Variants in BOLL observed in about 807,000 individuals in gnomAD.
BOLL encodes protein boule-like.
A neutral mutation model predicts 44.4 loss-of-function variants in BOLL; 23 were observed. The ratio of observed to expected loss-of-function variants is 0.52; its 90% CI spans 0.37 to 0.73. BOLL has a LOEUF of 0.73. Ranked by LOEUF, BOLL falls within the 30% of genes least tolerant of loss-of-function variation. The pLI is 0.00. For missense variants in BOLL, 287 were observed against 338.3 expected (o/e 0.85, Z 1.19); for synonymous variants, 97 against 110.8 (o/e 0.88, Z 0.78).
chr2:197,736,521 A>G (rs1358609917), intron 10 of BOLL, among the ~76,000 whole-genome samples: 2 of 152,092 alleles, frequency 1.3e-5, no homozygotes, highest in African/African-American at 4.8e-5. Flanking sequence ...AATTGTTTCA[A>G]TTATAAGCTG....
chr2:197,765,633 A>G (rs115209931), intron 7 of BOLL, among the ~76,000 whole-genome samples: 1 of 151,966 alleles, frequency 6.6e-6, no homozygotes, highest in African/African-American at 2.4e-5. Context: ...TAAAAAAAAA[A>G]CACTACCAAG....
intron 9 of BOLL, among the ~76,000 whole-genome samples, chr2:197,743,608 G>C (rs1464409919): frequency 6.6e-6 from 1 of 152,130 alleles, no homozygotes; most frequent in Non-Finnish European, 1.5e-5. Context: ...GTATACTGTT[G>C]ATAGATGTGG....
intron 1 of BOLL, among the ~76,000 whole-genome samples, chr2:197,784,395 T>TACATAC (rs1249486731): frequency 0.011 from 19 of 1,740 alleles, no homozygotes; most frequent in African/African-American, 0.013. Flanking sequence ...CTAATACATA[T>TACATAC]ATATATATAT....
At chr2:197,760,453 C>T (rs1320134490) in intron 7 of BOLL, among the ~76,000 whole-genome samples, 1 of 152,228 alleles carries the variant, frequency 6.6e-6, no homozygotes, top group African/African-American at 2.4e-5. Context: ...ACCTGAGAAA[C>T]AGCCCCACAG....
At chr2:197,740,465 T>A (rs1687678224) in intron 10 of BOLL, among the ~76,000 whole-genome samples, 1 of 152,088 alleles carries the variant, frequency 6.6e-6, no homozygotes, top group Non-Finnish European at 1.5e-5. Context: ...ATAGGAAGAA[T>A]TCCCTGTACA....
At chr2:197,736,101 G>T (rs1687471457) in intron 10 of BOLL, among the ~76,000 whole-genome samples, 1 of 152,010 alleles carries the variant, frequency 6.6e-6, no homozygotes, top group Non-Finnish European at 1.5e-5. Flanking sequence ...TACTTTTTAA[G>T]CTTAAAGTGA....
At chr2:197,779,170 TGAAAA>T in intron 2 of BOLL, 104 bp from the exon 3 acceptor site, 2 of 775,346 alleles carry the variant, frequency 2.6e-6, no homozygotes, top group Non-Finnish European at 4.1e-6. Flanking sequence ...ATAAGATGCA[TGAAAA>T]ATGCCTCTCA....
intron 7 of BOLL, among the ~76,000 whole-genome samples, chr2:197,763,462 C>T (rs1312038428): frequency 9.2e-5 from 12 of 130,558 alleles, no homozygotes; most frequent in African/African-American, 3.0e-4. Flanking sequence ...CCAGCCTGGG[C>T]GACAGAGAGT....
chr2:197,757,860 CTT>C (rs1688587448), intron 7 of BOLL, among the ~76,000 whole-genome samples: 1 of 152,120 alleles, frequency 6.6e-6, no homozygotes, highest in East Asian at 1.9e-4. Context: ...TATGAATAGA[CTT>C]TTCTCCAAAG....
intron 10 of BOLL, among the ~76,000 whole-genome samples, chr2:197,730,484 G>A (rs1172956048): frequency 4.9e-4 from 70 of 141,626 alleles, no homozygotes; most frequent in African/African-American, 1.8e-3. Flanking sequence ...TACTCCTCGA[G>A]AAGAGCAACT....
intron 2 of BOLL, 135 bp downstream of exon 2, chr2:197,781,586 TC>T (rs2106394763): frequency 1.1e-6 from 1 of 912,858 alleles, no homozygotes; most frequent in African/African-American, 1.7e-5. Flanking sequence ...TTGAAAAGAT[TC>T]TTTATAATAA....
chr2:197,777,285 T>C (rs192331363), intron 3 of BOLL, among the ~76,000 whole-genome samples, 172 bp from the exon 4 acceptor site: 18 of 151,804 alleles, frequency 1.2e-4, no homozygotes, highest in African/African-American at 2.7e-4. Context: ...AGCCTAACAC[T>C]GTCACTTTTA....
At chr2:197,757,956 C>CA (rs1176029436) in intron 7 of BOLL, among the ~76,000 whole-genome samples, 3 of 152,056 alleles carry the variant, frequency 2.0e-5, no homozygotes, top group African/African-American at 7.2e-5. Flanking sequence ...AACCATAATA[C>CA]AACATCACTT....
chr2:197,734,478 G>A (rs1008289739), intron 10 of BOLL, among the ~76,000 whole-genome samples: 10 of 152,100 alleles, frequency 6.6e-5, no homozygotes, highest in African/African-American at 1.7e-4. Flanking sequence ...TACCCAAAGG[G>A]TTATAAATCA....
At chr2:197,783,718 C>T (rs760664407) in intron 1 of BOLL, among the ~76,000 whole-genome samples, 20 of 152,152 alleles carry the variant, frequency 1.3e-4, no homozygotes, top group Non-Finnish European at 2.1e-4. Flanking sequence ...TCAGTCACTT[C>T]GCTCAGTAGG....
At chr2:197,742,734 C>T (rs1401457437) in intron 10 of BOLL, among the ~76,000 whole-genome samples, 4 of 151,904 alleles carry the variant, frequency 2.6e-5, no homozygotes, top group Non-Finnish European at 4.4e-5. Flanking sequence ...TTAATGGGTT[C>T]AGTACACCAA....
intron 7 of BOLL, among the ~76,000 whole-genome samples, chr2:197,762,111 C>T (rs901315587): frequency 5.9e-5 from 9 of 152,100 alleles, no homozygotes; most frequent in Admixed American, 4.6e-4. Flanking sequence ...TTTGGGAGGC[C>T]GAGGTGGGCA....
At chr2:197,779,244 A>C (rs1158147480) in intron 2 of BOLL, among the ~76,000 whole-genome samples, 178 bp from the exon 3 acceptor site, 1 of 152,060 alleles carries the variant, frequency 6.6e-6, no homozygotes, top group Non-Finnish European at 1.5e-5. Context: ...ATCTTGCTTT[A>C]TGCAATAGCT....
At chr2:197,774,039 C>T (rs1308262698) in intron 5 of BOLL, 1 of 462,808 alleles carries the variant, frequency 2.2e-6, no homozygotes, top group Non-Finnish European at 4.5e-6. Flanking sequence ...ACTTTGGAGT[C>T]AAACAGTCCT....
Sources: allele counts gnomAD v4.1 joint callset (sites outside exome capture counted in the v4.1 genomes callset), GRCh38; gene constraint gnomAD v4.1.1; transcripts MANE v1.5; gene names NCBI Gene and HGNC (gene_info 2026-07-23, HGNC 2026-07-21).